TLK2: variants seen among roughly 807,000 people sequenced by gnomAD.
TLK2 encodes the protein tousled like kinase 2.
Under a neutral mutation model 117.3 loss-of-function variants are expected in TLK2, and 6 were observed. The observed-to-expected ratio is 0.05, with a 90% CI of 0.03 to 0.10. The LOEUF is 0.10. Ranked by LOEUF, TLK2 falls within the 10% of genes least tolerant of loss-of-function variation. TLK2 has a pLI of 1.00. For missense variants in TLK2, 299 were observed against 901.2 expected (o/e 0.33, Z 8.56); for synonymous variants, 257 against 316.7 (o/e 0.81, Z 2.00).
intron 6 of TLK2, among the ~76,000 whole-genome samples, chr17:62,532,250 T>G (rs2076793858): frequency 1.3e-5 from 2 of 152,174 alleles, no homozygotes; most frequent in Non-Finnish European, 2.9e-5. Flanking sequence ...AGGGAGACGT[T>G]GGTTCAAACA....
At chr17:62,551,408 T>C (rs183455814) in intron 7 of TLK2, among the ~76,000 whole-genome samples, 224 of 152,256 alleles carry the variant, frequency 1.5e-3, no homozygotes, top group Non-Finnish European at 2.6e-3. Flanking sequence ...TTACCTTGTT[T>C]TAAAAAGTAC....
chr17:62,516,822 G>A (rs2075636437), intron 2 of TLK2: 2 of 1,116,866 alleles, frequency 1.8e-6, no homozygotes, highest in Non-Finnish European at 2.6e-6. Flanking sequence ...TAGTTCTTAT[G>A]TTTAGGTCTT....
At chr17:62,546,542 T>TA (rs780717482) in intron 7 of TLK2, among the ~76,000 whole-genome samples, 6 of 149,070 alleles carry the variant, frequency 4.0e-5, no homozygotes, top group Non-Finnish European at 7.4e-5. Context: ...GAGATTTTCT[T>TA]ATTTTCTTTT....
At chr17:62,607,362 A>G (rs996439261) in intron 20 of TLK2, among the ~76,000 whole-genome samples, 1 of 148,968 alleles carries the variant, frequency 6.7e-6, no homozygotes, top group African/African-American at 2.5e-5. Context: ...TACTAAAATT[A>G]CCAAAAAAAA....
At position 62,546,136 on chromosome 17, in the gene TLK2, C is replaced by T. The variant is rs986429109; in HGVS notation, c.532-6166C>T. On this transcript the variant is annotated intron_variant, in intron 7 of 21. Coordinates refer to ENST00000346027, the MANE Select transcript of TLK2 (RefSeq NM_006852.6). ...ACCTCAAGTGATCTGCCCGCCTTGGCCTCCCAGAATGCTGGGATTACAGTC... is the reference window on the plus strand; with the variant it reads ...ACCTCAAGTGATCTGCCCGCCTTGGTCTCCCAGAATGCTGGGATTACAGTC... Among the ~76,000 whole-genome samples the T allele has an allele frequency of 8.5e-5, 13 of 152,154 alleles. No homozygotes were observed. In the South Asian group the frequency reaches 2.1e-3, roughly 24 times the overall value.
rs1010128400 is a variant in TLK2 at position 62,606,314 on chromosome 17, G to A, written c.1971+73G>A. 8.3e-6 allele frequency: 7 copies of A among 847,188 alleles called. No individual in the cohort carries two copies. The African/African-American group carries it at 1.0e-4, about 12-fold the overall frequency. 52.5% of individuals were successfully genotyped at this position (847,188 alleles called of 1,614,324 possible). On this transcript the variant is annotated intron_variant, in intron 20 of 21. Transcript: ENST00000346027. The stretch of plus-strand genomic sequence containing the variant: ...ACACACACACACAGTGCCTTGGTAT[G>A]GATTAGTCTATTGGAGTTAATTATT...
chr17:62,602,226 C>T, intron 19 of TLK2, 46 bp downstream of exon 19: 1 of 1,590,642 alleles, frequency 6.3e-7, no homozygotes. Flanking sequence ...AGATGTGGCT[C>T]TGCTATGCTG....
chr17:62,508,220 T>C (rs1471710028), intron 2 of TLK2, among the ~76,000 whole-genome samples: 1 of 150,498 alleles, frequency 6.6e-6, no homozygotes, highest in Non-Finnish European at 1.5e-5. Flanking sequence ...AAGGATAATT[T>C]TCCCTCCCAA....
At position 62,560,058 on chromosome 17, in the gene TLK2, A is replaced by T; in HGVS notation, c.763A>T (p.Met255Leu). ...LRRQIDEQQK[M>L]LEKYKERLNR... ...ACGGCAGATTGATGAACAGCAAAAG[A>T]TGCTAGAGAAATACAAGGAACGATT... The change falls in exon 10 of 22, where the codon ATG becomes TTG. Residue 255 changes from methionine to leucine, a missense_variant. This residue lies in a region of TLK2 where 94 missense variants were observed against 282.6 expected (regional missense o/e 0.33). Transcript: ENST00000346027. 2.5e-6 allele frequency: 4 copies of T among 1,612,298 alleles called. No individual in the cohort carries two copies. The highest frequency in any genetic ancestry group is 1.7e-4 in the Middle Eastern group (1 of 6,044).
chr17:62,577,109 C>A (rs371345316), intron 13 of TLK2, among the ~76,000 whole-genome samples: 8 of 151,934 alleles, frequency 5.3e-5, no homozygotes, highest in Admixed American at 1.3e-4. Flanking sequence ...ATTACAGGCA[C>A]GTGCCACCAT....
chr17:62,490,507 G>A (rs2144674524), intron 2 of TLK2, among the ~76,000 whole-genome samples: 1 of 152,060 alleles, frequency 6.6e-6, no homozygotes, highest in Middle Eastern at 3.4e-3. Flanking sequence ...ATACTCCCAG[G>A]CCTCTTAAAT....
intron 2 of TLK2, among the ~76,000 whole-genome samples, chr17:62,481,765 G>C (rs1052910417): frequency 7.9e-5 from 12 of 152,056 alleles, no homozygotes; most frequent in Non-Finnish European, 1.5e-4. Flanking sequence ...CAATGTTATA[G>C]TTTCCTATGC....
At chr17:62,586,847 C>T (rs1404139852) in intron 16 of TLK2, among the ~76,000 whole-genome samples, 1 of 151,002 alleles carries the variant, frequency 6.6e-6, no homozygotes, top group Non-Finnish European at 1.5e-5. Flanking sequence ...AAAATTGTTG[C>T]TTGTCTATAG....
At chr17:62,591,075 C>A (rs1360134097) in intron 16 of TLK2, among the ~76,000 whole-genome samples, 1 of 152,032 alleles carries the variant, frequency 6.6e-6, no homozygotes, top group African/African-American at 2.4e-5. Flanking sequence ...TATGGTGAAA[C>A]CCGGTCTCTA....
intron 6 of TLK2, among the ~76,000 whole-genome samples, chr17:62,526,986 T>C (rs1010049542): frequency 1.3e-5 from 2 of 152,216 alleles, no homozygotes; most frequent in Non-Finnish European, 2.9e-5. Context: ...TCCTGCGTGA[T>C]CTGTGCTTCC....
chr17:62,538,920 A>G (rs2077307042), intron 7 of TLK2, among the ~76,000 whole-genome samples: 1 of 152,222 alleles, frequency 6.6e-6, no homozygotes, highest in Non-Finnish European at 1.5e-5. Flanking sequence ...AAGTAGGCAA[A>G]GACTGTTTTT....
At chr17:62,603,036 T>C (rs766248573) in intron 19 of TLK2, among the ~76,000 whole-genome samples, 93 of 151,956 alleles carry the variant, frequency 6.1e-4, no homozygotes, top group Middle Eastern at 3.2e-3. Context: ...GCTTCAAGAG[T>C]TGCAAGAGAA....
chr17:62,500,019 C>T (rs1173166204), intron 2 of TLK2, among the ~76,000 whole-genome samples: 1 of 152,098 alleles, frequency 6.6e-6, no homozygotes, highest in Non-Finnish European at 1.5e-5. Context: ...CCTGCTTTTA[C>T]TAGCAAACCT....
chr17:62,552,073 T>C (rs2078507990), intron 7 of TLK2: 2 of 519,366 alleles, frequency 3.9e-6, no homozygotes, highest in Non-Finnish European at 3.5e-6. Flanking sequence ...AAGCATTTGA[T>C]ACTTTAAACC....
Sources: allele counts gnomAD v4.1 joint callset (sites outside exome capture counted in the v4.1 genomes callset), GRCh38; gene constraint gnomAD v4.1.1; regional missense constraint gnomAD v4.1.1; transcripts MANE v1.5; gene names NCBI Gene and HGNC (gene_info 2026-07-23, HGNC 2026-07-21).